OR51B5: variants seen among roughly 807,000 people sequenced by gnomAD.
The protein encoded by OR51B5 is olfactory receptor family 51 subfamily B member 5.
For synonymous variants in OR51B5, 186 were observed against 144.8 expected, an observed-to-expected ratio of 1.28 and a Z score of -2.04; for missense variants, 456 against 374.6, an observed-to-expected ratio of 1.22 and a Z score of -1.79.
chr11:5,430,724 A>T (rs1333572895), intron 1 of OR51B5: 1 of 456,914 alleles, frequency 2.2e-6, no homozygotes, highest in East Asian at 6.9e-5. Context: ...TTAACACTAT[A>T]GATGATGGGA....
At chr11:5,422,609 A>G in intron 1 of OR51B5, 3 of 1,614,092 alleles carry the variant, frequency 1.9e-6, no homozygotes, top group Non-Finnish European at 2.5e-6. Context: ...TTATGCCTCC[A>G]TCCTCACCAA....
At chr11:5,415,667 A>G (rs1438156488) in intron 1 of OR51B5, among the ~76,000 whole-genome samples, 7 of 152,190 alleles carry the variant, frequency 4.6e-5, no homozygotes, top group Non-Finnish European at 8.8e-5. Flanking sequence ...AATAAACTAG[A>G]AAATCTAGAA....
intron 1 of OR51B5, chr11:5,383,739 G>A (rs1042074050): frequency 1.3e-5 from 2 of 152,110 alleles, no homozygotes; most frequent in African/African-American, 4.8e-5. Flanking sequence ...CCAGCCCTGG[G>A]GACCCTTTGT....
exon 1 of OR51B5, chr11:5,343,427 T>C (rs753485829): frequency 1.9e-6 from 3 of 1,612,342 alleles, no homozygotes; most frequent in South Asian, 1.1e-5. Flanking sequence ...GATGGATATA[T>C]ACATGAACAA....
At chr11:5,502,326 G>C (rs1196330361) in intron 1 of OR51B5, among the ~76,000 whole-genome samples, 1 of 152,096 alleles carries the variant, frequency 6.6e-6, no homozygotes, top group South Asian at 2.1e-4. Context: ...CTGTACTCCA[G>C]ACCCACTGGC....
At chr11:5,448,100 A>G (rs767791106) in intron 1 of OR51B5, among the ~76,000 whole-genome samples, 4 of 152,142 alleles carry the variant, frequency 2.6e-5, no homozygotes, top group Non-Finnish European at 5.9e-5. Flanking sequence ...CTATGTCCTC[A>G]AGTTGCTGCC....
At chr11:5,444,555 G>A (rs79599534) in intron 1 of OR51B5, among the ~76,000 whole-genome samples, 9,430 of 152,146 alleles carry the variant, frequency 0.062, 354 homozygotes, top group Middle Eastern at 0.13. Context: ...TTAAAATTTA[G>A]AATAAAATCT....
rs114244135 is a variant in OR51B5 at position 5,422,856 on chromosome 11, C to T, written n.85-75946G>A. 9.3e-4 allele frequency: 1,496 copies of T among 1,614,136 alleles called. 18 individuals carry two copies. In the African/African-American group the frequency reaches 0.018, roughly 20 times the overall value. ...GTGGATCCTCTGCTCATTGTGATCTCCTATACACTTATTCTGAAAAATATC... is the reference window on the plus strand; with the variant it reads ...GTGGATCCTCTGCTCATTGTGATCTTCTATACACTTATTCTGAAAAATATC... On this transcript the variant is annotated intron_variant and non_coding_transcript_variant, in intron 1 of 4. Coordinates refer to the OR51B5 transcript ENST00000415970.
At chr11:5,423,235 A>T in intron 1 of OR51B5, 3 of 1,423,130 alleles carry the variant, frequency 2.1e-6, no homozygotes, top group Non-Finnish European at 2.8e-6. Context: ...GAAACTATAA[A>T]ATAAAACTTC....
intron 1 of OR51B5, among the ~76,000 whole-genome samples, chr11:5,502,205 A>T (rs930437407): frequency 1.4e-5 from 2 of 139,072 alleles, no homozygotes; most frequent in Non-Finnish European, 3.4e-5. Context: ...TCTCTCATTC[A>T]TTCTCTGTGT....
At chr11:5,453,914 T>C (rs1463062751) in intron 1 of OR51B5, 1 of 1,614,232 alleles carries the variant, frequency 6.2e-7, no homozygotes, top group South Asian at 1.1e-5. Flanking sequence ...AAGTCATTGC[T>C]GCAATGGGTT....
intron 1 of OR51B5, among the ~76,000 whole-genome samples, chr11:5,438,587 T>C (rs1012206615): frequency 2.0e-5 from 3 of 152,214 alleles, no homozygotes; most frequent in Non-Finnish European, 2.9e-5. Context: ...TCTATTGCTC[T>C]TTTTTAGATA....
At chr11:5,405,647 T>C (rs1028442962) in intron 1 of OR51B5, among the ~76,000 whole-genome samples, 2 of 152,232 alleles carry the variant, frequency 1.3e-5, no homozygotes, top group Admixed American at 6.5e-5. Flanking sequence ...GACACACCTA[T>C]AAAGCTTCTG....
At chr11:5,352,709 CATTGTTTG>C (rs1849118343) in intron 1 of OR51B5, among the ~76,000 whole-genome samples, 1 of 151,860 alleles carries the variant, frequency 6.6e-6, no homozygotes, top group South Asian at 2.1e-4. Context: ...ATTTAACTCA[CATTGTTTG>C]ATTAGCTTAT....
At chr11:5,364,857 G>A (rs2133701398) in intron 1 of OR51B5, among the ~76,000 whole-genome samples, 1 of 152,212 alleles carries the variant, frequency 6.6e-6, no homozygotes, top group East Asian at 1.9e-4. Flanking sequence ...GTTTCTATTG[G>A]TGAATTTCCA....
rs757396021 is a variant in OR51B5 at position 5,453,594 on chromosome 11, G to A, written n.84+51975C>T. 138 of 1,613,466 alleles carry A rather than the reference G, an allele frequency of 8.6e-5. No individual in the cohort carries two copies. Among genetic ancestry groups the A allele is most frequent in the Admixed American group, 1.5e-4 (9 of 59,960 alleles). ...GTCAGGGCCCCTCTGCGTGATGTAT[G>A]CTGTGGCCCTTGGGGGAAATACAGT... On this transcript the variant is annotated intron_variant and non_coding_transcript_variant, in intron 1 of 4. Coordinates refer to the OR51B5 transcript ENST00000415970.
intron 1 of OR51B5, among the ~76,000 whole-genome samples, chr11:5,371,504 GAAAA>G (rs1849447515): frequency 6.6e-6 from 1 of 151,858 alleles, no homozygotes; most frequent in Non-Finnish European, 1.5e-5. Flanking sequence ...TAAAAATAGA[GAAAA>G]ACATATATCT....
intron 1 of OR51B5, among the ~76,000 whole-genome samples, chr11:5,413,460 A>C (rs1850183728): frequency 6.6e-6 from 1 of 152,350 alleles, no homozygotes; most frequent in East Asian, 1.9e-4. Context: ...ACTTGAGAGA[A>C]AAAGGCTTCA....
At chr11:5,471,635 CAAA>C (rs34498667) in intron 1 of OR51B5, among the ~76,000 whole-genome samples, 1 of 124,276 alleles carries the variant, frequency 8.0e-6, no homozygotes. Context: ...GACTCTGTCT[CAAA>C]AAAAAAAAAA....
Sources: allele counts gnomAD v4.1 joint callset (sites outside exome capture counted in the v4.1 genomes callset), GRCh38; gene constraint gnomAD v4.1.1; transcripts MANE v1.5; gene names NCBI Gene and HGNC (gene_info 2026-07-23, HGNC 2026-07-21).